The following PAPPA variants were observed in gnomAD, a reference collection of about 807,000 sequenced individuals.
PAPPA encodes pappalysin 1.
A neutral mutation model predicts 164.0 loss-of-function variants in PAPPA; 60 were observed. That is an observed-to-expected ratio of 0.37 (90% CI 0.30 to 0.45). The LOEUF is 0.45. PAPPA is among the 20% of genes least tolerant of loss of function. PAPPA has a pLI of 1.00. For missense variants in PAPPA, 1,782 were observed against 2,087.3 expected (o/e 0.85, Z 2.85); for synonymous variants, 875 against 814.1 (o/e 1.07, Z -1.27).
intron 7 of PAPPA, among the ~76,000 whole-genome samples, chr9:116,241,648 T>C (rs1295821941): frequency 1.3e-5 from 2 of 152,240 alleles, no homozygotes; most frequent in East Asian, 3.8e-4. Flanking sequence ...GCTCCATGGA[T>C]ACTTGTTGAT....
intron 13 of PAPPA, among the ~76,000 whole-genome samples, chr9:116,340,929 G>A (rs1265916260): frequency 6.6e-6 from 1 of 152,156 alleles, no homozygotes; most frequent in Non-Finnish European, 1.5e-5. Flanking sequence ...AAGAGACAGA[G>A]TAGAGAGACT....
chr9:116,161,990 G>A (rs898261920), intron 1 of PAPPA, among the ~76,000 whole-genome samples: 5 of 152,122 alleles, frequency 3.3e-5, no homozygotes, highest in Admixed American at 2.0e-4. Context: ...CCCCAAGGTC[G>A]CACAAAGATT....
intron 13 of PAPPA, among the ~76,000 whole-genome samples, chr9:116,343,821 C>T (rs1036413740): frequency 6.6e-5 from 10 of 151,690 alleles, no homozygotes; most frequent in South Asian, 2.1e-4. Flanking sequence ...AGTGCAATGG[C>T]GCAATCTCAG....
chr9:116,245,579 T>C (rs930554516), intron 7 of PAPPA, among the ~76,000 whole-genome samples: 1 of 152,200 alleles, frequency 6.6e-6, no homozygotes, highest in Non-Finnish European at 1.5e-5. Flanking sequence ...TGGTGATAGA[T>C]TGGATTCAAG....
intron 2 of PAPPA, among the ~76,000 whole-genome samples, chr9:116,198,187 G>A (rs753089661): frequency 3.9e-5 from 6 of 152,128 alleles, no homozygotes; most frequent in Non-Finnish European, 5.9e-5. Flanking sequence ...GCCCTTGAAC[G>A]GTAGAGTTCA....
At position 116,401,134 on chromosome 9, in the gene PAPPA, C is replaced by T. The variant is rs1394897854; in HGVS notation, c.*4518C>T. 2.0e-5 allele frequency: 3 copies of T among 152,616 alleles called. No homozygotes were observed. The highest frequency in any genetic ancestry group is 2.9e-5 in the Non-Finnish European group (2 of 68,040). 9.5% of individuals were successfully genotyped at this position (152,616 alleles called of 1,614,324 possible). ...GCCGGAGCTCCTGAATTGTAGTCCA[C>T]CTTAAAAGAGAGACCTGTATTGGAG... On this transcript the variant is annotated 3_prime_UTR_variant, in exon 22 of 22. Coordinates refer to ENST00000328252, the MANE Select transcript of PAPPA (RefSeq NM_002581.5).
intron 12 of PAPPA, among the ~76,000 whole-genome samples, chr9:116,334,257 A>C (rs1273498465): frequency 2.6e-5 from 4 of 151,298 alleles, no homozygotes; most frequent in Non-Finnish European, 2.9e-5. Flanking sequence ...AAAAAAAAAA[A>C]AAACAGGGCT....
At chr9:116,374,169 G>A (rs1028406432) in intron 19 of PAPPA, among the ~76,000 whole-genome samples, 5 of 143,960 alleles carry the variant, frequency 3.5e-5, no homozygotes, top group African/African-American at 7.7e-5. Context: ...TGGTGGTGGT[G>A]TTGATGATGA....
At chr9:116,296,533 C>T (rs1845509998) in intron 9 of PAPPA, among the ~76,000 whole-genome samples, 1 of 152,086 alleles carries the variant, frequency 6.6e-6, no homozygotes, top group East Asian at 1.9e-4. Flanking sequence ...GACCCACAGA[C>T]AGACAGTGAG....
At position 116,398,999 on chromosome 9, in the gene PAPPA, C is replaced by A; in HGVS notation, c.*2383C>A. On this transcript the variant is annotated 3_prime_UTR_variant, in exon 22 of 22. Coordinates refer to ENST00000328252, the MANE Select transcript of PAPPA (RefSeq NM_002581.5). ...AAGCTAAGAAATGTAACAGTATCAA[C>A]CCTCCCAGTTGCTTAATTATACCCA... The A allele has an allele frequency of 4.3e-6, 1 of 234,306 alleles. No homozygotes were observed. The highest frequency in any genetic ancestry group is 8.5e-6 in the Non-Finnish European group (1 of 117,854). The allele number at this position is 234,306 out of a possible 1,614,324, so 14.5% of individuals were successfully genotyped here.
intron 10 of PAPPA, among the ~76,000 whole-genome samples, chr9:116,328,372 G>T (rs188148008): frequency 1.3e-5 from 2 of 152,164 alleles, no homozygotes. Context: ...ACTTAAAAAC[G>T]TCTTCCAGCC....
intron 4 of PAPPA, among the ~76,000 whole-genome samples, chr9:116,218,980 T>G (rs531500886): frequency 1.3e-5 from 2 of 152,192 alleles, no homozygotes. Flanking sequence ...ATGTTACTAC[T>G]CATATTTTCA....
At chr9:116,284,755 C>T (rs1328710973) in intron 9 of PAPPA, among the ~76,000 whole-genome samples, 2 of 152,098 alleles carry the variant, frequency 1.3e-5, no homozygotes, top group Admixed American at 6.6e-5. Flanking sequence ...ATCCATAACT[C>T]TTCCCTCTCT....
intron 9 of PAPPA, among the ~76,000 whole-genome samples, chr9:116,289,561 C>T (rs1845410148): frequency 1.3e-5 from 2 of 151,866 alleles, no homozygotes; most frequent in East Asian, 3.9e-4. Flanking sequence ...AGTCAGAACC[C>T]TTGACCTCTA....
chr9:116,299,925 G>T (rs555377931), intron 9 of PAPPA, among the ~76,000 whole-genome samples: 71 of 150,314 alleles, frequency 4.7e-4, no homozygotes, highest in Non-Finnish European at 9.3e-4. Context: ...GAGAGGTTAG[G>T]TTATTTTATT....
intron 4 of PAPPA, among the ~76,000 whole-genome samples, chr9:116,216,358 T>G (rs1274855118): frequency 2.0e-5 from 3 of 152,204 alleles, no homozygotes; most frequent in African/African-American, 7.2e-5. Flanking sequence ...TGAACCTCCA[T>G]GCAGTGTGCC....
At chr9:116,176,331 A>C (rs954725897) in intron 1 of PAPPA, among the ~76,000 whole-genome samples, 32 of 152,154 alleles carry the variant, frequency 2.1e-4, no homozygotes, top group African/African-American at 7.7e-4. Context: ...GGAATAGTGA[A>C]AAATAGGATT....
chr9:116,313,750 T>C (rs1054964295), intron 10 of PAPPA, among the ~76,000 whole-genome samples: 5 of 152,196 alleles, frequency 3.3e-5, no homozygotes, highest in African/African-American at 1.2e-4. Context: ...AGGAATGTGG[T>C]TCATGAAACT....
chr9:116,208,533 A>G (rs970984844), intron 3 of PAPPA, among the ~76,000 whole-genome samples: 5 of 152,208 alleles, frequency 3.3e-5, no homozygotes, highest in African/African-American at 1.2e-4. Flanking sequence ...ACTGCCATTT[A>G]TTTAATCATT....
Sources: gnomAD v4.1 joint callset for allele counts (sites outside exome capture counted in the v4.1 genomes callset) on GRCh38, gnomAD v4.1.1 for gene constraint, MANE v1.5 for transcripts, NCBI Gene and HGNC (gene_info 2026-07-23, HGNC 2026-07-21) for gene names.